The following POU1F1 variants were observed in gnomAD, a reference collection of about 807,000 sequenced individuals.
POU1F1 encodes the protein POU class 1 homeobox 1.
In POU1F1, 23 loss-of-function variants were observed where a neutral mutation model predicts 32.3. The ratio of observed to expected loss-of-function variants is 0.71; its 90% CI spans 0.51 to 1.01. The LOEUF is 1.01. POU1F1 is among the 50% of genes least tolerant of loss of function. POU1F1 has a pLI of 0.00. For synonymous variants in POU1F1, 120 were observed against 115.6 expected (o/e 1.04, Z -0.25); for missense variants, 323 against 341.6 (o/e 0.95, Z 0.43).
At position 87,275,613 on chromosome 3, in the gene POU1F1, T is replaced by C. The variant is rs546193541; in HGVS notation, c.142+708A>G. Among the ~76,000 whole-genome samples, 4 of 152,198 alleles carry C rather than the reference T, an allele frequency of 2.6e-5. No homozygotes were observed. In the East Asian group the frequency reaches 7.7e-4, roughly 29 times the overall value. Reference sequence around the variant, plus strand: ...AGAATGAACACACTGGCAAAACATATGTATTTGGCTGATTGTGTTGAGCCT... The same window carrying C: ...AGAATGAACACACTGGCAAAACATACGTATTTGGCTGATTGTGTTGAGCCT... On this transcript the variant is annotated intron_variant, in intron 1 of 5. Transcript: ENST00000350375.
rs142837047 is a variant in POU1F1 at position 87,264,469 on chromosome 3, C to T, written c.258G>A (p.Leu86=). The T allele has an allele frequency of 3.7e-6, 6 of 1,612,934 alleles. No homozygotes were observed. The African/African-American group carries it at 6.7e-5, about 18-fold the overall frequency. ...PCLYKFPDHT[L]SHGFPPIHQP... is the part of the protein sequence containing the mutation. ...GGTGTATAGGAGGAAATCCATGACT[C>T]AAGGTGTGGTCAGGAAATTTATAAA... is the stretch of plus-strand genomic sequence containing the variant. The change falls in exon 3 of 6, where the codon TTG becomes TTA. Residue 86 remains leucine (L), a synonymous_variant. Transcript: ENST00000350375.
In POU1F1 at chr3:87,261,295, T is replaced by G. The variant is rs766603627; in HGVS notation, c.643A>C (p.Arg215=). 1 of 1,589,146 alleles carries G rather than the reference T, an allele frequency of 6.3e-7. No homozygotes were observed. The highest frequency in any genetic ancestry group is 8.6e-7 in the Non-Finnish European group (1 of 1,162,292). ...TACCTTATAGTTGTTCTTCGTTTTCTTTTCCTTTCATTTGCTCCCACTTTT... is the reference window on the plus strand; with the variant it reads ...TACCTTATAGTTGTTCTTCGTTTTCGTTTCCTTTCATTTGCTCCCACTTTT... ...NEKVGANERK[R]KRRTTISIAA... Residue 215 remains arginine (R), a synonymous_variant, in exon 5 of 6, where the codon AGA becomes CGA. Transcript: ENST00000350375.
At position 87,259,933 on chromosome 3, in the gene POU1F1, A is replaced by G. The variant is rs994038363; in HGVS notation, c.837T>C (p.Ser279=). Residue 279 remains serine, a synonymous_variant, in exon 6 of 6, where the codon AGT becomes AGC. Coordinates refer to ENST00000350375, the MANE Select transcript of POU1F1 (RefSeq NM_000306.4). ...GATGTTCCTTAGAAATAGAAAATAAACTCTGATTCAGACTTGTTTTCACCC... is the reference window on the plus strand; with the variant it reads ...GATGTTCCTTAGAAATAGAAAATAAGCTCTGATTCAGACTTGTTTTCACCC... ...EKRVKTSLNQ[S]LFSISKEHLE... 6.2e-7 allele frequency: 1 copy of G among 1,614,062 alleles called. No homozygotes were observed. The highest frequency in any genetic ancestry group is 8.5e-7 in the Non-Finnish European group (1 of 1,179,992).
chr3:87,273,371 G>A lies in POU1F1; in HGVS notation c.190C>T (p.Pro64Ser). 1 of 1,612,704 alleles carries A rather than the reference G, an allele frequency of 6.2e-7. No homozygotes were observed. The highest frequency in any genetic ancestry group is 8.5e-7 in the Non-Finnish European group (1 of 1,179,258). Residue 64 changes from proline to serine, a missense_variant, in exon 2 of 6, where the codon CCA becomes TCA. Transcript: ENST00000350375. ...SVPSCHYGNQ[P>S]STYGVMAGSL... is the part of the protein sequence containing the mutation. ...CCTGCCATCACTCCATAGGTTGATG[G>A]CTGGTTTCCATAATGACAGGAAGGA... is the stretch of plus-strand genomic sequence containing the variant.
chr3:87,275,383 G>C (rs919900866), intron 1 of POU1F1, among the ~76,000 whole-genome samples: 1 of 151,976 alleles, frequency 6.6e-6, no homozygotes, highest in Non-Finnish European at 1.5e-5. Flanking sequence ...ACAAAAGATA[G>C]AGCTTAAATC....
At chr3:87,266,283 T>TTTTATATAAATTTAATTTAATGTATTA (rs1706620288) in intron 2 of POU1F1, among the ~76,000 whole-genome samples, 2 of 146,342 alleles carry the variant, frequency 1.4e-5, no homozygotes. Context: ...ATGTATTAAA[T>TTTTATATAAATTTAATTTAATGTATTA]TTTATATAAA....
At chr3:87,265,506 T>C (rs1252076299) in intron 2 of POU1F1, among the ~76,000 whole-genome samples, 1 of 152,106 alleles carries the variant, frequency 6.6e-6, no homozygotes, top group African/African-American at 2.4e-5. Flanking sequence ...TTTCTTGTTT[T>C]CTTTATCAAT....
Position 87,259,625 on chromosome 3 carries a change from G to A in POU1F1, c.*269C>T. 2.4e-6 allele frequency: 1 copy of A among 416,574 alleles called. No individual in the cohort carries two copies. The highest frequency in any genetic ancestry group is 2.4e-5 in the South Asian group (1 of 41,032). The allele number at this position is 416,574 out of a possible 1,614,324, so 25.8% of individuals were successfully genotyped here. On this transcript the variant is annotated 3_prime_UTR_variant, in exon 6 of 6. Coordinates refer to ENST00000350375, the MANE Select transcript of POU1F1 (RefSeq NM_000306.4). ...TGTCTGCGTGTGTGTGAGAAAGAGA[G>A]CGGGAGAGACAGAGAGATCATTTTA...
rs140690782 is a variant in POU1F1 at position 87,269,483 on chromosome 3, T to C, written c.214+3864A>G. ...TTCAGAATTACTTGTTTCCTTAGAGTTGTTACAACCAGAACAATTTAGGGC... is the reference window on the plus strand; with the variant it reads ...TTCAGAATTACTTGTTTCCTTAGAGCTGTTACAACCAGAACAATTTAGGGC... On this transcript the variant is annotated intron_variant, in intron 2 of 5. Coordinates refer to ENST00000350375, the MANE Select transcript of POU1F1 (RefSeq NM_000306.4). 3.5e-4 allele frequency among the ~76,000 whole-genome samples: 54 copies of C among 152,130 alleles called. No homozygotes were observed. In the East Asian group the frequency reaches 0.01, roughly 29 times the overall value.
At chr3:87,273,532 C>A in intron 1 of POU1F1, 114 bp from the exon 2 acceptor site, 1 of 1,509,564 alleles carries the variant, frequency 6.6e-7, no homozygotes, top group Non-Finnish European at 8.9e-7. Context: ...AAGACACATT[C>A]GTTTTATTTC....
At chr3:87,268,068 AT>A (rs1706657135) in intron 2 of POU1F1, among the ~76,000 whole-genome samples, 2 of 133,440 alleles carry the variant, frequency 1.5e-5, no homozygotes, top group South Asian at 2.4e-4. Context: ...TACATTTTTT[AT>A]TTTTTTCCCT....
At chr3:87,269,374 G>T (rs146884676) in intron 2 of POU1F1, among the ~76,000 whole-genome samples, 1 of 152,092 alleles carries the variant, frequency 6.6e-6, no homozygotes, top group African/African-American at 2.4e-5. Context: ...TTACAGAAAA[G>T]GGTTGCCAAC....
chr3:87,269,612 C>G (rs1239941937), intron 2 of POU1F1, among the ~76,000 whole-genome samples: 1 of 152,088 alleles, frequency 6.6e-6, no homozygotes, highest in Non-Finnish European at 1.5e-5. Flanking sequence ...GACTATTTCT[C>G]CCTGTCAGTT....
intron 2 of POU1F1, 109 bp from the exon 3 acceptor site, chr3:87,264,621 C>T: frequency 1.2e-6 from 1 of 835,080 alleles, no homozygotes; most frequent in Middle Eastern, 3.4e-4. Flanking sequence ...TCTAGCCTGT[C>T]TCAGTACTTA....
chr3:87,274,361 A>G (rs1706788825), intron 1 of POU1F1, among the ~76,000 whole-genome samples: 2 of 151,862 alleles, frequency 1.3e-5, no homozygotes, highest in African/African-American at 4.8e-5. Context: ...TATTTTCTCA[A>G]TTTTTTCCTT....
Position 87,276,431 on chromosome 3 carries a change from G to C in POU1F1, c.32C>G (p.Thr11Ser), listed in dbSNP as rs773651922. ...GGCGTCAGAATTCAGAGGTATAAAG[G>C]TATCAGCCGAAGTAAAAGCTTGGCA... MSCQAFTSADTFIPLNSDASA... is the reference protein window; with the variant it reads MSCQAFTSADSFIPLNSDASA... The change falls in exon 1 of 6, where the codon ACC becomes AGC. Residue 11 changes from threonine (T) to serine (S), a missense_variant. Physicochemically the swap from Thr to Ser is moderately conservative, Grantham distance 58. Coordinates refer to ENST00000350375, the MANE Select transcript of POU1F1 (RefSeq NM_000306.4). 6.2e-7 allele frequency: 1 copy of C among 1,613,828 alleles called. No homozygotes were observed. Among genetic ancestry groups the C allele is most frequent in the African/African-American group, 1.3e-5 (1 of 74,994 alleles).
chr3:87,266,696 A>G (rs929860386), intron 2 of POU1F1, among the ~76,000 whole-genome samples: 2 of 151,912 alleles, frequency 1.3e-5, no homozygotes, highest in Non-Finnish European at 2.9e-5. Flanking sequence ...CTTTTATTAT[A>G]TAGCTTTTCT....
chr3:87,267,142 T>C (rs1320123582), intron 2 of POU1F1, among the ~76,000 whole-genome samples: 1 of 152,198 alleles, frequency 6.6e-6, no homozygotes, highest in African/African-American at 2.4e-5. Flanking sequence ...TCAATTATTA[T>C]TATTATTTTC....
chr3:87,261,468 G>A (rs542209531), intron 4 of POU1F1, 135 bp from the exon 5 acceptor site: 1 of 704,202 alleles, frequency 1.4e-6, no homozygotes, highest in South Asian at 1.8e-5. Flanking sequence ...TTAAATTTTT[G>A]CAGTCTTTTT....
Sources: allele counts gnomAD v4.1 joint callset (sites outside exome capture counted in the v4.1 genomes callset), GRCh38; gene constraint gnomAD v4.1.1; transcripts MANE v1.5; gene names NCBI Gene and HGNC (gene_info 2026-07-23, HGNC 2026-07-21).